The following ZDHHC15 variants were observed in gnomAD, a reference collection of about 807,000 sequenced individuals.
The protein encoded by ZDHHC15 is zDHHC palmitoyltransferase 15.
ZDHHC15 carries 19 observed loss-of-function variants against 31.7 expected under a neutral mutation model. That is an observed-to-expected ratio of 0.60 (90% CI 0.42 to 0.88). ZDHHC15 has a LOEUF of 0.88. Ranked by LOEUF, ZDHHC15 falls within the 40% of genes least tolerant of loss-of-function variation. The probability of loss-of-function intolerance (pLI) is 0.00; values close to 1 mark genes in which losing one functional copy is unlikely to be tolerated. For missense variants in ZDHHC15, 209 were observed against 251.2 expected (o/e 0.83, Z 1.14); for synonymous variants, 103 against 90.0 (o/e 1.14, Z -0.82).
At chrX:75,381,218 C>G (rs1161953214) in intron 10 of ZDHHC15, among the ~76,000 whole-genome samples, 1 of 111,948 alleles carries the variant, frequency 8.9e-6, no homozygotes, top group Non-Finnish European at 1.9e-5. Flanking sequence ...CTCTGGCTTT[C>G]TCTTCCTCAT....
chrX:75,433,921 GT>G (rs1413096864), intron 4 of ZDHHC15, among the ~76,000 whole-genome samples: 1 of 110,857 alleles, frequency 9.0e-6, no homozygotes, highest in African/African-American at 3.3e-5. Context: ...TCTCCATACT[GT>G]TTTCCATAGT....
At chrX:75,516,875 C>T (rs2085366331) in intron 1 of ZDHHC15, among the ~76,000 whole-genome samples, 2 of 111,270 alleles carry the variant, frequency 1.8e-5, no homozygotes, top group African/African-American at 6.5e-5. Flanking sequence ...ACAAAGAACT[C>T]AAACAAATTT....
chrX:75,391,288 TA>T (rs1244446359), intron 10 of ZDHHC15, among the ~76,000 whole-genome samples: 1 of 111,642 alleles, frequency 9.0e-6, no homozygotes, highest in African/African-American at 3.3e-5. Context: ...GAGAGAAAGA[TA>T]GGGGTAGAAA....
At chrX:75,465,308 A>T (rs746567021) in intron 3 of ZDHHC15, among the ~76,000 whole-genome samples, 1 of 112,312 alleles carries the variant, frequency 8.9e-6, no homozygotes, top group African/African-American at 3.2e-5. Flanking sequence ...ATCAGAGAGG[A>T]CACAAACAAA....
intron 2 of ZDHHC15, among the ~76,000 whole-genome samples, chrX:75,489,856 A>G (rs1312632097): frequency 8.9e-6 from 1 of 111,736 alleles, no homozygotes; most frequent in Non-Finnish European, 1.9e-5. Context: ...AAATTAGAGG[A>G]AAGGCTAACT....
At position 75,379,174 on chromosome X, in the gene ZDHHC15, A is replaced by G. The variant is rs757420624; in HGVS notation, c.992T>C (p.Leu331Pro). Reference protein sequence around the residue: ...NQDYPEGSSSLAVETET With the variant: ...NQDYPEGSSSPAVETET ...CTGCTATGTTTCCGTTTCCACAGCAAGAGATGATGAGCCTTCTGGATAATC... is the reference window on the plus strand; with the variant it reads ...CTGCTATGTTTCCGTTTCCACAGCAGGAGATGATGAGCCTTCTGGATAATC... The change falls in exon 11 of 12, where the codon CTT (leucine) becomes CCT (proline). Residue 331 changes from leucine to proline, a missense_variant. By Grantham distance (98) the Leu-to-Pro change is moderately conservative. Transcript: ENST00000373367. The G allele has an allele frequency of 5.1e-5, 62 of 1,209,679 alleles. No homozygotes were observed. Among genetic ancestry groups the G allele is most frequent in the Non-Finnish European group, 6.7e-5 (60 of 894,934 alleles).
At chrX:75,390,726 G>A (rs751504627) in intron 10 of ZDHHC15, among the ~76,000 whole-genome samples, 2 of 111,258 alleles carry the variant, frequency 1.8e-5, no homozygotes, top group East Asian at 2.8e-4. Context: ...GTGAATATTC[G>A]GAAAGCCTTC....
intron 3 of ZDHHC15, among the ~76,000 whole-genome samples, chrX:75,464,790 T>C (rs560110376): frequency 3.6e-5 from 4 of 111,875 alleles, no homozygotes; most frequent in African/African-American, 9.7e-5. Context: ...AAACCAGGTA[T>C]TGAAGGAACA....
chrX:75,510,499 A>G (rs1235402756), intron 1 of ZDHHC15, among the ~76,000 whole-genome samples: 2 of 67,947 alleles, frequency 2.9e-5, no homozygotes, highest in Non-Finnish European at 5.6e-5. Context: ...TTTCTGTCTG[A>G]TCAGTTTATA....
Position 75,405,028 on chromosome X carries a change from C to G in ZDHHC15, c.967+12059G>C, listed in dbSNP as rs182114806. Among the ~76,000 whole-genome samples, 577 of 112,098 alleles carry G rather than the reference C, an allele frequency of 5.1e-3. 2 individuals are homozygous for G. Among genetic ancestry groups the G allele is most frequent in the Admixed American group, 8.3e-3 (88 of 10,620 alleles). On this transcript the variant is annotated intron_variant, in intron 10 of 11. Transcript: ENST00000373367. Reference sequence around the variant, plus strand: ...TAAAGAAAATGTGGCACCCATACACCATGGAATATTATTCAGTCATAGAAA... The same window carrying G: ...TAAAGAAAATGTGGCACCCATACACGATGGAATATTATTCAGTCATAGAAA...
intron 1 of ZDHHC15, among the ~76,000 whole-genome samples, chrX:75,514,107 A>C (rs2085318964): frequency 8.8e-6 from 1 of 113,188 alleles, no homozygotes; most frequent in South Asian, 3.5e-4. Flanking sequence ...ATTGCCCTTC[A>C]AGAAATGCCA....
chrX:75,384,227 C>T (rs1157971976), intron 10 of ZDHHC15: 10 of 467,345 alleles, frequency 2.1e-5, no homozygotes, highest in East Asian at 3.7e-5. Flanking sequence ...AAGTATACAA[C>T]TCATGTGAAG....
Position 75,384,416 on chromosome X carries a change from T to C in ZDHHC15, c.968-5218A>G, listed in dbSNP as rs2083157741. 4 of 989,518 alleles carry C rather than the reference T, an allele frequency of 4.0e-6. No homozygotes were observed. In the Admixed American group the frequency reaches 8.8e-5, roughly 22 times the overall value. The allele number at this position is 989,518 out of a possible 1,213,427, so 81.5% of individuals were successfully genotyped here. ...TCTAGGCCTTTTAGAAAACATGGAG[T>C]TGTTCCTTTGGCCACGTATATGCAA... On this transcript the variant is annotated intron_variant, in intron 10 of 11. Transcript: ENST00000373367.
chrX:75,492,591 A>T (rs2084917359), intron 2 of ZDHHC15, among the ~76,000 whole-genome samples: 1 of 112,093 alleles, frequency 8.9e-6, no homozygotes, highest in South Asian at 3.7e-4. Context: ...CCCTCAGGCC[A>T]CAGTGCAATC....
chrX:75,450,726 T>C, intron 4 of ZDHHC15, 76 bp downstream of exon 4: 1 of 1,207,960 alleles, frequency 8.3e-7, no homozygotes, highest in Non-Finnish European at 1.1e-6. Context: ...AAAGGGCTAG[T>C]TTGAGAACAT....
chrX:75,506,592 T>C (rs1283339862), intron 1 of ZDHHC15, among the ~76,000 whole-genome samples: 1 of 111,812 alleles, frequency 8.9e-6, no homozygotes, highest in Admixed American at 9.6e-5. Context: ...CAACTCCTTG[T>C]TGTTGTCTTC....
intron 10 of ZDHHC15, among the ~76,000 whole-genome samples, chrX:75,410,408 A>G (rs776714529): frequency 4.5e-5 from 5 of 112,189 alleles, no homozygotes; most frequent in Non-Finnish European, 9.4e-5. Flanking sequence ...GAAAAAAGAA[A>G]AAGCCAAGTA....
chrX:75,498,581 G>A (rs1180595751), intron 2 of ZDHHC15, among the ~76,000 whole-genome samples: 1 of 111,595 alleles, frequency 9.0e-6, no homozygotes, highest in African/African-American at 3.3e-5. Context: ...CCTAACCAAG[G>A]AGGTGAAAGA....
At chrX:75,377,940 G>A (rs1319114736) in intron 11 of ZDHHC15, among the ~76,000 whole-genome samples, 1 of 111,493 alleles carries the variant, frequency 9.0e-6, no homozygotes, top group African/African-American at 3.3e-5. Context: ...TTTCCCCTAG[G>A]AAAATACTAA....
Sources: allele counts gnomAD v4.1 joint callset (sites outside exome capture counted in the v4.1 genomes callset), GRCh38; gene constraint gnomAD v4.1.1; transcripts MANE v1.5; gene names NCBI Gene and HGNC (gene_info 2026-07-23, HGNC 2026-07-21).